SETD2: variants seen among roughly 807,000 people sequenced by gnomAD.
SETD2 encodes histone-lysine N-methyltransferase SETD2.
Under a neutral mutation model 242.1 loss-of-function variants are expected in SETD2, and 31 were observed. The observed-to-expected ratio is 0.13, with a 90% CI of 0.10 to 0.17. The LOEUF (loss-of-function observed/expected upper bound fraction) is 0.17. Among genes scored for constraint, SETD2 ranks in the 10% least tolerant of loss-of-function variants. The pLI is 1.00. For missense variants in SETD2, 2,481 were observed against 3,046.3 expected, an observed-to-expected ratio of 0.81 and a Z score of 4.37; for synonymous variants, 1,006 against 1,066.5, an observed-to-expected ratio of 0.94 and a Z score of 1.11.
At chr3:47,101,338 T>C (rs1486455168) in intron 8 of SETD2, 120 bp downstream of exon 8, 3 of 612,854 alleles carry the variant, frequency 4.9e-6, no homozygotes, top group South Asian at 2.4e-5. Context: ...CAATATCTTA[T>C]AGATAAGAGT....
chr3:47,048,234 A>G (rs1054418486), intron 15 of SETD2, among the ~76,000 whole-genome samples: 1 of 152,088 alleles, frequency 6.6e-6, no homozygotes, highest in Non-Finnish European at 1.5e-5. Context: ...CTAAAAATAC[A>G]AAAAATTAGC....
At chr3:47,082,676 C>T (rs763529504) in intron 12 of SETD2, among the ~76,000 whole-genome samples, 1 of 152,128 alleles carries the variant, frequency 6.6e-6, no homozygotes, top group African/African-American at 2.4e-5. Flanking sequence ...TGAGTAAGAG[C>T]TCAAATGGGT....
chr3:47,029,906 A>G (rs1262428949), intron 18 of SETD2, among the ~76,000 whole-genome samples: 1 of 152,232 alleles, frequency 6.6e-6, no homozygotes, highest in Non-Finnish European at 1.5e-5. Flanking sequence ...CTGTAATCCC[A>G]GCACTTTGGG....
intron 12 of SETD2, chr3:47,080,762 A>C: frequency 1.0e-6 from 1 of 983,314 alleles, no homozygotes. Flanking sequence ...GAGTCAAGGC[A>C]GTGGTCCTGT....
chr3:47,090,378 G>A (rs1007242501), intron 9 of SETD2, among the ~76,000 whole-genome samples: 2 of 151,776 alleles, frequency 1.3e-5, no homozygotes, highest in African/African-American at 2.4e-5. Flanking sequence ...GATCAAAATG[G>A]ATTATTATTT....
intron 5 of SETD2, among the ~76,000 whole-genome samples, chr3:47,107,886 C>T (rs931218798): frequency 3.3e-5 from 5 of 152,010 alleles, no homozygotes; most frequent in African/African-American, 1.2e-4. Flanking sequence ...AAGCCTGGGG[C>T]AGGAGAATTG....
chr3:47,017,382 G>T lies in SETD2; in HGVS notation c.7534-128C>A, dbSNP rs972735700. On this transcript the variant is annotated intron_variant, in intron 20 of 20. Coordinates refer to ENST00000409792, the MANE Select transcript of SETD2 (RefSeq NM_014159.7). This position sits in a 1 kb window ranked among gnomAD's most constrained non-coding sequence, Gnocchi z 4.8. ...TCTCACCAAGACAGGAAGTTAATAAGGGGGTAGATGTTGGGGCAGGCTGGT... is the reference window on the plus strand; with the variant it reads ...TCTCACCAAGACAGGAAGTTAATAATGGGGTAGATGTTGGGGCAGGCTGGT... The T allele has an allele frequency of 2.3e-5, 23 of 995,052 alleles. No homozygotes were observed. Among genetic ancestry groups the T allele is most frequent in the Non-Finnish European group, 3.2e-5 (22 of 680,760 alleles). The allele number at this position is 995,052 out of a possible 1,614,324, so 61.6% of individuals were successfully genotyped here.
intron 5 of SETD2, among the ~76,000 whole-genome samples, chr3:47,109,985 CAAAA>C (rs1167745997): frequency 1.7e-5 from 1 of 60,526 alleles, no homozygotes; most frequent in African/African-American, 6.3e-5. Flanking sequence ...GACTCCATCT[CAAAA>C]AAAAAAAAAA....
intron 1 of SETD2, among the ~76,000 whole-genome samples, chr3:47,157,857 G>A (rs183880279): frequency 1.0e-3 from 144 of 140,624 alleles, no homozygotes; most frequent in African/African-American, 3.6e-3. Context: ...TGGGCAACAA[G>A]AGCAAAACTC....
At position 47,037,680 on chromosome 3, in the gene SETD2, C is replaced by T. The variant is rs376734320; in HGVS notation, c.7336G>A (p.Glu2446Lys). The change falls in exon 18 of 21, where the codon GAA becomes AAA. Residue 2446 changes from glutamate to lysine, a missense_variant. Physicochemically the swap from Glu to Lys is moderately conservative, Grantham distance 56. Coordinates refer to ENST00000409792, the MANE Select transcript of SETD2 (RefSeq NM_014159.7). Reference protein sequence around the residue: ...EMDLGTPTYDENPMKASKKPK... With the variant: ...EMDLGTPTYDKNPMKASKKPK... ...GCCACACTCACCTTCATGGGGTTTT[C>T]ATCATATGTTGGAGTTCCCAGGTCC... The T allele has an allele frequency of 6.2e-7, 1 of 1,613,120 alleles. No individual in the cohort carries two copies. The highest frequency in any genetic ancestry group is 8.5e-7 in the Non-Finnish European group (1 of 1,179,380).
At chr3:47,146,130 C>T (rs529769688) in intron 1 of SETD2, among the ~76,000 whole-genome samples, 8 of 147,182 alleles carry the variant, frequency 5.4e-5, no homozygotes, top group African/African-American at 1.7e-4. Flanking sequence ...CCATCTTGTA[C>T]TCTCAAAATG....
intron 1 of SETD2, among the ~76,000 whole-genome samples, chr3:47,127,389 G>T (rs916937047): frequency 4.0e-5 from 6 of 151,190 alleles, no homozygotes; most frequent in Non-Finnish European, 7.4e-5. Context: ...ATTCGTTTTT[G>T]AAGAATACAT....
chr3:47,055,271 A>C (rs1218363735), intron 15 of SETD2, among the ~76,000 whole-genome samples: 1 of 152,254 alleles, frequency 6.6e-6, no homozygotes, highest in Non-Finnish European at 1.5e-5. Flanking sequence ...ACTGTTTAAT[A>C]CTAAGTATTA....
At chr3:47,136,952 TA>T (rs779066871) in intron 1 of SETD2, among the ~76,000 whole-genome samples, 104 of 151,770 alleles carry the variant, frequency 6.9e-4, no homozygotes, top group African/African-American at 2.5e-3. Flanking sequence ...AGAATCCATC[TA>T]AAAAAAAGGA....
rs2040589269 is a variant in SETD2 at position 47,067,095 on chromosome 3, T to C, written c.6084A>G (p.Lys2028=). The C allele has an allele frequency of 5.0e-6, 8 of 1,612,360 alleles. No homozygotes were observed. The highest frequency in any genetic ancestry group is 6.8e-6 in the Non-Finnish European group (8 of 1,178,568). ...DLKEVYRIPK[K]SQTEKENTTT... ...TTGTGTTTTCCTTTTCAGTTTGACTTTTCTTTGGAATTCGATATACCTCCT... is the reference window on the plus strand; with the variant it reads ...TTGTGTTTTCCTTTTCAGTTTGACTCTTCTTTGGAATTCGATATACCTCCT... The change falls in exon 13 of 21, where the codon AAA becomes AAG. Residue 2028 remains lysine, a synonymous_variant. Coordinates refer to ENST00000409792, the MANE Select transcript of SETD2 (RefSeq NM_014159.7).
intron 12 of SETD2, among the ~76,000 whole-genome samples, chr3:47,076,105 G>A (rs2041062175): frequency 6.6e-6 from 1 of 152,228 alleles, no homozygotes; most frequent in East Asian, 1.9e-4. Flanking sequence ...AAGATGTTGT[G>A]AGAGCCTATA....
intron 3 of SETD2, 94 bp from the exon 4 acceptor site, chr3:47,116,848 C>A (rs755016537): frequency 4.2e-5 from 40 of 950,720 alleles, no homozygotes; most frequent in Non-Finnish European, 5.8e-5. Context: ...TCATTAGATT[C>A]TTTTGGGTTT....
chr3:47,117,281 C>CAAAAA (rs71615400), intron 3 of SETD2, among the ~76,000 whole-genome samples: 7 of 53,562 alleles, frequency 1.3e-4, no homozygotes, highest in African/African-American at 4.7e-4. Context: ...AAAAAAAAAA[C>CAAAAA]AAACAAAAAA....
intron 1 of SETD2, among the ~76,000 whole-genome samples, chr3:47,136,094 A>T (rs1456565126): frequency 6.6e-6 from 1 of 152,162 alleles, no homozygotes; most frequent in Non-Finnish European, 1.5e-5. Context: ...GTCAAAATTG[A>T]ACTGATGACG....
Sources: gnomAD v4.1 joint callset for allele counts (sites outside exome capture counted in the v4.1 genomes callset) on GRCh38, gnomAD v4.1.1 for gene constraint, Gnocchi (gnomAD v3.1) non-coding constraint, MANE v1.5 for transcripts, NCBI Gene and HGNC (gene_info 2026-07-23, HGNC 2026-07-21) for gene names.